The following PRKCE variants were observed in gnomAD, a reference collection of about 807,000 sequenced individuals.
PRKCE encodes protein kinase C epsilon type.
A neutral mutation model predicts 85.4 loss-of-function variants in PRKCE; 16 were observed. The observed-to-expected ratio is 0.19, with a 90% CI of 0.13 to 0.28. The LOEUF (loss-of-function observed/expected upper bound fraction) is 0.28. PRKCE is among the 10% of genes least tolerant of loss of function. PRKCE has a pLI of 1.00. For missense variants in PRKCE, 573 were observed against 975.2 expected (o/e 0.59, Z 5.49); for synonymous variants, 388 against 371.5 (o/e 1.04, Z -0.51).
intron 6 of PRKCE, among the ~76,000 whole-genome samples, chr2:45,988,749 C>T (rs1558926514): frequency 1.3e-5 from 2 of 152,218 alleles, no homozygotes; most frequent in Non-Finnish European, 2.9e-5. Flanking sequence ...CACTATTAAA[C>T]AGTCCAGAAA....
At chr2:46,100,211 C>T (rs1031858503) in intron 11 of PRKCE, among the ~76,000 whole-genome samples, 3 of 152,050 alleles carry the variant, frequency 2.0e-5, no homozygotes, top group African/African-American at 7.2e-5. Context: ...ACAAGAGTGC[C>T]CCTGAGGAAC....
intron 10 of PRKCE, chr2:46,010,751 C>T (rs1254183218): frequency 3.8e-6 from 6 of 1,597,932 alleles, no homozygotes; most frequent in African/African-American, 1.3e-5. Context: ...TCTTTGCAGC[C>T]AGAGTTGGAC....
At chr2:45,928,804 C>T (rs1432171993) in intron 2 of PRKCE, among the ~76,000 whole-genome samples, 2 of 152,086 alleles carry the variant, frequency 1.3e-5, no homozygotes, top group Non-Finnish European at 2.9e-5. Flanking sequence ...AGGTCCGCAG[C>T]TCATGCATAT....
At chr2:45,827,275 C>T (rs924349608) in intron 1 of PRKCE, among the ~76,000 whole-genome samples, 1 of 152,212 alleles carries the variant, frequency 6.6e-6, no homozygotes, top group Non-Finnish European at 1.5e-5. Flanking sequence ...AAAGATGATA[C>T]AATTCTTACG....
chr2:46,059,747 G>C (rs1053402733), intron 10 of PRKCE, among the ~76,000 whole-genome samples: 1 of 152,158 alleles, frequency 6.6e-6, no homozygotes, highest in Non-Finnish European at 1.5e-5. Context: ...AGGCTGTAAT[G>C]AGCTATGAGT....
At chr2:45,775,887 A>C (rs1558658722) in intron 1 of PRKCE, among the ~76,000 whole-genome samples, 1 of 151,998 alleles carries the variant, frequency 6.6e-6, no homozygotes, top group Non-Finnish European at 1.5e-5. Flanking sequence ...AACTCCTCCC[A>C]CTGGCCTCCT....
chr2:45,966,079 A>T (rs1005842475), intron 2 of PRKCE, among the ~76,000 whole-genome samples: 1 of 152,194 alleles, frequency 6.6e-6, no homozygotes, highest in African/African-American at 2.4e-5. Flanking sequence ...CATCCTTGGG[A>T]GGCGTGGATG....
At chr2:45,918,428 C>T (rs569910622) in intron 2 of PRKCE, among the ~76,000 whole-genome samples, 1 of 152,300 alleles carries the variant, frequency 6.6e-6, no homozygotes, top group East Asian at 1.9e-4. Flanking sequence ...TTGTACCAAA[C>T]AATTTTATCA....
At chr2:45,985,878 C>A (rs1401732767) in intron 6 of PRKCE, among the ~76,000 whole-genome samples, 1 of 152,222 alleles carries the variant, frequency 6.6e-6, no homozygotes, top group African/African-American at 2.4e-5. Context: ...GACATTCTCA[C>A]TGACAGTTGG....
intron 5 of PRKCE, among the ~76,000 whole-genome samples, chr2:45,984,066 T>C (rs1211743279): frequency 6.6e-6 from 1 of 151,136 alleles, no homozygotes; most frequent in African/African-American, 2.4e-5. Flanking sequence ...GCCTTCCGAG[T>C]AGCTGGGATT....
At chr2:45,809,257 C>G (rs72870743) in intron 1 of PRKCE, among the ~76,000 whole-genome samples, 2,290 of 152,282 alleles carry the variant, frequency 0.015, 55 homozygotes, top group African/African-American at 0.052. Flanking sequence ...ACCTGGACAA[C>G]TGAGAAACTT....
intron 13 of PRKCE, among the ~76,000 whole-genome samples, chr2:46,156,006 A>AT (rs1677163326): frequency 7.7e-6 from 1 of 130,498 alleles, no homozygotes; most frequent in Non-Finnish European, 1.6e-5. Flanking sequence ...AAAGTATATA[A>AT]AAAAAAAAAA....
At chr2:45,785,582 G>A (rs978538226) in intron 1 of PRKCE, among the ~76,000 whole-genome samples, 14 of 152,178 alleles carry the variant, frequency 9.2e-5, no homozygotes, top group Admixed American at 2.6e-4. Flanking sequence ...TTTGAGAAAC[G>A]CTGTAGAAGG....
chr2:46,121,630 G>A (rs2104333075), intron 11 of PRKCE, among the ~76,000 whole-genome samples: 1 of 152,320 alleles, frequency 6.6e-6, no homozygotes, highest in East Asian at 1.9e-4. Context: ...TTGGTGGATG[G>A]GAATTCTGGG....
intron 2 of PRKCE, among the ~76,000 whole-genome samples, chr2:45,856,614 A>T (rs767121383): frequency 6.6e-5 from 10 of 152,218 alleles, no homozygotes; most frequent in Non-Finnish European, 1.5e-4. Flanking sequence ...TATTTGCTGT[A>T]GTCATGCTAC....
Position 46,187,668 on chromosome 2 carries a change from CAT to C in PRKCE, c.*2789_*2790del, listed in dbSNP as rs922586494. The C allele has an allele frequency of 2.7e-5, 4 of 150,004 alleles. No individual in the cohort carries two copies. The highest frequency in any genetic ancestry group is 4.9e-5 in the African/African-American group (2 of 40,520). 9.3% of individuals were successfully genotyped at this position (150,004 alleles called of 1,614,324 possible). A position where few individuals can be genotyped will look rare whatever the true frequency, so the allele number is the denominator to read the frequency against. On this transcript the variant is annotated 3_prime_UTR_variant, in exon 15 of 15. Coordinates refer to ENST00000306156, the MANE Select transcript of PRKCE (RefSeq NM_005400.3). Reference sequence around the variant, plus strand: ...CATTATGGACTTTGTGAAGTAGAAACATAATTTTTTTTCCTCCAAAGGTGAAA... The same window carrying C: ...CATTATGGACTTTGTGAAGTAGAAACAATTTTTTTTCCTCCAAAGGTGAAA...
intron 2 of PRKCE, among the ~76,000 whole-genome samples, chr2:45,892,953 A>G (rs969242590): frequency 6.6e-6 from 1 of 152,162 alleles, no homozygotes; most frequent in Admixed American, 6.5e-5. Context: ...CACGGGGCTC[A>G]GGGAATTCAC....
chr2:45,944,385 G>T (rs1296256717), intron 2 of PRKCE, among the ~76,000 whole-genome samples: 1 of 152,196 alleles, frequency 6.6e-6, no homozygotes, highest in Non-Finnish European at 1.5e-5. Context: ...GCACAGCTCA[G>T]ACTGGAGTGA....
chr2:45,677,759 G>A, intron 1 of PRKCE: 1 of 604,224 alleles, frequency 1.7e-6, no homozygotes, highest in Non-Finnish European at 2.1e-6. Flanking sequence ...GCTTGTGGTC[G>A]GGTGTTATTT....
Sources: allele counts gnomAD v4.1 joint callset (sites outside exome capture counted in the v4.1 genomes callset), GRCh38; gene constraint gnomAD v4.1.1; transcripts MANE v1.5; gene names NCBI Gene and HGNC (gene_info 2026-07-23, HGNC 2026-07-21).